Variants in CAV1 observed in about 807,000 individuals in gnomAD.
CAV1 encodes caveolin 1, also known as caveolin-1.
In CAV1, 10 loss-of-function variants were observed where a neutral mutation model predicts 16.5. The observed-to-expected ratio is 0.61, with a 90% CI of 0.37 to 1.03. The LOEUF (loss-of-function observed/expected upper bound fraction) is 1.03. CAV1 is among the 50% of genes least tolerant of loss of function. The pLI is 0.01. For synonymous variants in CAV1, 76 were observed against 85.1 expected, an observed-to-expected ratio of 0.89 and a Z score of 0.59; for missense variants, 212 against 232.8, an observed-to-expected ratio of 0.91 and a Z score of 0.58.
chr7:116,546,346 C>G (rs1794045716), intron 2 of CAV1, among the ~76,000 whole-genome samples: 2 of 152,064 alleles, frequency 1.3e-5, no homozygotes, highest in Admixed American at 1.3e-4. Context: ...CGGCTCACAG[C>G]CAGCTGGTCT....
intron 2 of CAV1, among the ~76,000 whole-genome samples, chr7:116,545,761 C>T (rs914512496): frequency 3.3e-5 from 5 of 152,136 alleles, no homozygotes; most frequent in African/African-American, 9.7e-5. Flanking sequence ...AAGACATTTC[C>T]GTTTCTTGTG....
At chr7:116,553,370 G>A (rs944880143) in intron 2 of CAV1, among the ~76,000 whole-genome samples, 2 of 152,036 alleles carry the variant, frequency 1.3e-5, no homozygotes, top group South Asian at 2.1e-4. Flanking sequence ...AGTATCATAA[G>A]CCAATGCTGC....
At chr7:116,555,955 A>G (rs1794286407) in intron 2 of CAV1, among the ~76,000 whole-genome samples, 1 of 152,148 alleles carries the variant, frequency 6.6e-6, no homozygotes, top group Non-Finnish European at 1.5e-5. Flanking sequence ...ACTGCCTTAA[A>G]TTTCAAAGAC....
chr7:116,530,032 A>T (rs1793651829), intron 2 of CAV1, among the ~76,000 whole-genome samples: 1 of 152,224 alleles, frequency 6.6e-6, no homozygotes, highest in Non-Finnish European at 1.5e-5. Context: ...TATTAAACCC[A>T]TGCAATATGC....
chr7:116,536,913 G>A (rs1204835994), intron 2 of CAV1, among the ~76,000 whole-genome samples: 2 of 146,478 alleles, frequency 1.4e-5, no homozygotes, highest in Non-Finnish European at 3.0e-5. Flanking sequence ...TGAGGCAGGA[G>A]AATGGCGTGA....
rs201738925 is a variant in CAV1, at chr7:116,558,972, A to G, written c.222A>G (p.Glu74=). The change falls in exon 3 of 3, where the codon GAA becomes GAG. Residue 74 remains glutamate, a synonymous_variant. Coordinates refer to ENST00000341049, the MANE Select transcript of CAV1 (RefSeq NM_001753.5). Reference sequence around the variant, plus strand: ...TTGACTTTGAAGATGTGATTGCAGAACCAGAAGGGACACACAGTTTTGACG... The same window carrying G: ...TTGACTTTGAAGATGTGATTGCAGAGCCAGAAGGGACACACAGTTTTGACG... The part of the protein sequence containing the change: ...VKIDFEDVIA[E]PEGTHSFDGI... The G allele has an allele frequency of 3.1e-6, 5 of 1,613,586 alleles. No individual in the cohort carries two copies. Among genetic ancestry groups the G allele is most frequent in the Middle Eastern group, 1.6e-4 (1 of 6,078 alleles).
chr7:116,540,302 G>A (rs999210617), intron 2 of CAV1, among the ~76,000 whole-genome samples: 3 of 152,228 alleles, frequency 2.0e-5, no homozygotes, highest in East Asian at 3.9e-4. Flanking sequence ...TCCATTATTG[G>A]TGTCTGTGCC....
At chr7:116,546,033 A>T (rs1794038716) in intron 2 of CAV1, among the ~76,000 whole-genome samples, 1 of 152,224 alleles carries the variant, frequency 6.6e-6, no homozygotes, top group South Asian at 2.1e-4. Flanking sequence ...TTCTCCTCAA[A>T]GATGGCAAAC....
At chr7:116,542,586 A>G (rs1233350215) in intron 2 of CAV1, 1 of 152,200 alleles carries the variant, frequency 6.6e-6, no homozygotes, top group Non-Finnish European at 1.5e-5. Context: ...GGTCCTTGGC[A>G]TTTTTACTGG....
chr7:116,543,908 A>G (rs549017667), intron 2 of CAV1, among the ~76,000 whole-genome samples: 130 of 152,286 alleles, frequency 8.5e-4, no homozygotes, highest in African/African-American at 3.0e-3. Context: ...ACTGTTACTT[A>G]GAGTCAAATT....
At position 116,559,233 on chromosome 7, in the gene CAV1, A is replaced by C; in HGVS notation, c.483A>C (p.Glu161Asp). ...ACACCGTCTGTGACCCACTCTTTGA[A>C]GCTGTTGGGAAAATATTCAGCAATG... is the stretch of plus-strand genomic sequence containing the variant. Reference protein sequence around the residue: ...YVHTVCDPLFEAVGKIFSNVR... With the variant: ...YVHTVCDPLFDAVGKIFSNVR... Residue 161 changes from glutamate to aspartate, a missense_variant, in exon 3 of 3, where the codon GAA becomes GAC. Coordinates refer to ENST00000341049, the MANE Select transcript of CAV1 (RefSeq NM_001753.5). The C allele has an allele frequency of 6.2e-7, 1 of 1,613,958 alleles. No individual in the cohort carries two copies. Among genetic ancestry groups the C allele is most frequent in the Non-Finnish European group, 8.5e-7 (1 of 1,179,902 alleles).
intron 2 of CAV1, among the ~76,000 whole-genome samples, chr7:116,532,832 G>A (rs1389317071): frequency 6.6e-6 from 1 of 152,146 alleles, no homozygotes; most frequent in Non-Finnish European, 1.5e-5. Flanking sequence ...GTCAGGAAAA[G>A]GCATGCATGA....
chr7:116,548,013 C>T (rs1794088451), intron 2 of CAV1, among the ~76,000 whole-genome samples: 1 of 152,124 alleles, frequency 6.6e-6, no homozygotes, highest in Non-Finnish European at 1.5e-5. Flanking sequence ...ACACAGTAAT[C>T]GATTATCACA....
chr7:116,526,349 G>A, intron 1 of CAV1, 176 bp from the exon 2 acceptor site: 1 of 1,482,536 alleles, frequency 6.7e-7, no homozygotes, highest in Admixed American at 2.1e-5. Flanking sequence ...CTGGCTACGC[G>A]CAGGCGGTTT....
chr7:116,541,568 T>C (rs1793936381), intron 2 of CAV1, among the ~76,000 whole-genome samples: 1 of 152,044 alleles, frequency 6.6e-6, no homozygotes, highest in Non-Finnish European at 1.5e-5. Flanking sequence ...CTGGACAACA[T>C]GGTGAAACCT....
intron 2 of CAV1, among the ~76,000 whole-genome samples, chr7:116,534,215 C>T (rs1793746390): frequency 6.6e-6 from 1 of 150,544 alleles, no homozygotes; most frequent in Admixed American, 6.6e-5. Flanking sequence ...GAGACTCCAT[C>T]ACAAAAAAAT....
intron 2 of CAV1, among the ~76,000 whole-genome samples, chr7:116,542,313 T>G (rs1793957382): frequency 6.6e-6 from 1 of 152,210 alleles, no homozygotes; most frequent in Admixed American, 6.5e-5. Context: ...TCACCCTGGC[T>G]GCAAATCATC....
intron 1 of CAV1, chr7:116,525,660 C>G (rs1793541829): frequency 9.2e-7 from 1 of 1,090,444 alleles, no homozygotes; most frequent in Non-Finnish European, 1.1e-6. Context: ...CTCCCCTCCC[C>G]AAACTGCCAC....
intron 2 of CAV1, among the ~76,000 whole-genome samples, chr7:116,534,928 A>T (rs1360709534): frequency 6.6e-6 from 1 of 152,212 alleles, no homozygotes; most frequent in East Asian, 1.9e-4. Context: ...CTTGCGGGTT[A>T]GGCCATTTAA....
Sources: allele counts gnomAD v4.1 joint callset (sites outside exome capture counted in the v4.1 genomes callset), GRCh38; gene constraint gnomAD v4.1.1; transcripts MANE v1.5; gene names NCBI Gene and HGNC (gene_info 2026-07-23, HGNC 2026-07-21).